NALF1: variants seen among roughly 807,000 people sequenced by gnomAD.
The protein encoded by NALF1 is family with sequence similarity 155 member A.
A neutral mutation model predicts 48.4 loss-of-function variants in NALF1; 3 were observed. The observed-to-expected ratio is 0.06, with a 90% CI of 0.03 to 0.16. NALF1 has a LOEUF of 0.16. Ranked by LOEUF, NALF1 falls within the 10% of genes least tolerant of loss-of-function variation. NALF1 has a pLI of 1.00. For missense variants in NALF1, 526 were observed against 571.5 expected (o/e 0.92, Z 0.81); for synonymous variants, 262 against 245.7 (o/e 1.07, Z -0.62).
intron 1 of NALF1, among the ~76,000 whole-genome samples, chr13:107,212,884 T>G (rs952181920): frequency 6.6e-6 from 1 of 152,122 alleles, no homozygotes; most frequent in Non-Finnish European, 1.5e-5. Context: ...GAGTTGCCTG[T>G]TTTTCTTTAA....
At chr13:107,373,747 C>T (rs1028953807) in intron 1 of NALF1, among the ~76,000 whole-genome samples, 4 of 152,042 alleles carry the variant, frequency 2.6e-5, no homozygotes, top group African/African-American at 9.7e-5. Context: ...TTTTTGTTTT[C>T]GTTTTTTTTG....
In NALF1 at chr13:107,499,474, C is replaced by T. The variant is rs903616018; in HGVS notation, c.916-288719G>A. On this transcript the variant is annotated intron_variant, in intron 1 of 2. Transcript: ENST00000375915. ...TCCTCATGCTTGACCTCCCAAACTGCTGGGATTGCAGGTGTGAGCCACTGG... is the reference window on the plus strand; with the variant it reads ...TCCTCATGCTTGACCTCCCAAACTGTTGGGATTGCAGGTGTGAGCCACTGG... Among the ~76,000 whole-genome samples, 4 of 152,134 alleles carry T rather than the reference C, an allele frequency of 2.6e-5. No individual in the cohort carries two copies. The East Asian group carries it at 7.7e-4, about 29-fold the overall frequency.
intron 1 of NALF1, among the ~76,000 whole-genome samples, chr13:107,538,385 T>G (rs1876902824): frequency 6.6e-6 from 1 of 152,164 alleles, no homozygotes; most frequent in Admixed American, 6.6e-5. Flanking sequence ...ATAAAACATT[T>G]CCATTTGCAA....
rs988870831 is a variant in NALF1, at chr13:107,693,445, T to C, written c.915+172237A>G. ...ATGTAACAAACCTGCATGTTGTGCA[T>C]ATGTACCCTAGAACTTAAAGTATAA... On this transcript the variant is annotated intron_variant, in intron 1 of 2. Transcript: ENST00000375915. 2.6e-5 allele frequency among the ~76,000 whole-genome samples: 4 copies of C among 152,054 alleles called. No homozygotes were observed. In the East Asian group the frequency reaches 7.8e-4, roughly 30 times the overall value.
At chr13:107,749,578 CTATAATATACTATGTAGTATA>C (rs1308963263) in intron 1 of NALF1, among the ~76,000 whole-genome samples, 1 of 151,754 alleles carries the variant, frequency 6.6e-6, no homozygotes, top group Non-Finnish European at 1.5e-5. Flanking sequence ...ATTTTACATA[CTATAATATACTATGTAGTATA>C]TATAATATAC....
chr13:107,396,714 G>A (rs537660833), intron 1 of NALF1, among the ~76,000 whole-genome samples: 9 of 152,256 alleles, frequency 5.9e-5, no homozygotes, highest in East Asian at 1.9e-4. Flanking sequence ...TGCTATTCTC[G>A]TTGAGTTATA....
intron 1 of NALF1, among the ~76,000 whole-genome samples, chr13:107,864,374 T>C (rs1880653466): frequency 6.6e-6 from 1 of 152,200 alleles, no homozygotes. Flanking sequence ...AAGTAAAATA[T>C]GGCCTTTCGA....
intron 1 of NALF1, among the ~76,000 whole-genome samples, chr13:107,572,693 A>G (rs113245398): frequency 1.3e-5 from 2 of 152,166 alleles, no homozygotes; most frequent in Non-Finnish European, 1.5e-5. Context: ...TAATTAGCAA[A>G]TAAACTCTTC....
intron 1 of NALF1, among the ~76,000 whole-genome samples, chr13:107,572,234 G>C (rs542356886): frequency 6.6e-6 from 1 of 152,120 alleles, no homozygotes; most frequent in East Asian, 1.9e-4. Flanking sequence ...ATCTTGTGAG[G>C]AGGCACTGAC....
intron 1 of NALF1, among the ~76,000 whole-genome samples, chr13:107,704,659 T>A (rs1472366009): frequency 6.6e-6 from 1 of 152,184 alleles, no homozygotes; most frequent in East Asian, 1.9e-4. Flanking sequence ...AAAAATCCTA[T>A]AATCTCCAGC....
intron 1 of NALF1, among the ~76,000 whole-genome samples, chr13:107,753,883 T>C (rs1877010039): frequency 1.3e-5 from 2 of 152,140 alleles, no homozygotes; most frequent in African/African-American, 4.8e-5. Flanking sequence ...GACTGGGAGT[T>C]TCCATTTGGT....
chr13:107,533,639 A>C (rs1349450081), intron 1 of NALF1, among the ~76,000 whole-genome samples: 1 of 152,178 alleles, frequency 6.6e-6, no homozygotes, highest in African/African-American at 2.4e-5. Context: ...TTCAAATTAG[A>C]GATTCTGTGA....
At position 107,823,131 on chromosome 13, in the gene NALF1, T is replaced by C. The variant is rs556898873; in HGVS notation, c.915+42551A>G. Among the ~76,000 whole-genome samples, 151 of 152,358 alleles carry C rather than the reference T, an allele frequency of 9.9e-4. 1 individual carries two copies. Among genetic ancestry groups the C allele is most frequent in the South Asian group, 2.5e-3 (12 of 4,828 alleles). On this transcript the variant is annotated intron_variant, in intron 1 of 2. Coordinates refer to ENST00000375915, the MANE Select transcript of NALF1 (RefSeq NM_001080396.3). ...TTACCCTAATTTCCTCATCAGTATCTACCTCTTTCCACTATTTAGAATAGT... is the reference window on the plus strand; with the variant it reads ...TTACCCTAATTTCCTCATCAGTATCCACCTCTTTCCACTATTTAGAATAGT...
chr13:107,322,645 T>A (rs1197527775), intron 1 of NALF1, among the ~76,000 whole-genome samples: 1 of 152,170 alleles, frequency 6.6e-6, no homozygotes, highest in Admixed American at 6.6e-5. Context: ...GATGTGCTCC[T>A]CTGGTCCTGG....
chr13:107,448,600 G>A (rs969710125), intron 1 of NALF1, among the ~76,000 whole-genome samples: 8 of 152,068 alleles, frequency 5.3e-5, no homozygotes, highest in Admixed American at 1.3e-4. Context: ...TGGCATTTTC[G>A]TCATGTATTT....
intron 1 of NALF1, among the ~76,000 whole-genome samples, chr13:107,293,530 T>C (rs371245419): frequency 2.0e-4 from 30 of 152,194 alleles, no homozygotes; most frequent in African/African-American, 6.0e-4. Context: ...ATCTCCAGCA[T>C]AGACACTAAC....
At chr13:107,356,768 A>T (rs1468128856) in intron 1 of NALF1, among the ~76,000 whole-genome samples, 2 of 152,190 alleles carry the variant, frequency 1.3e-5, no homozygotes, top group African/African-American at 4.8e-5. Context: ...CAAACAGAAT[A>T]ATTTTCTGGT....
chr13:107,340,709 G>T (rs530715893), intron 1 of NALF1, among the ~76,000 whole-genome samples: 1 of 151,800 alleles, frequency 6.6e-6, no homozygotes. Context: ...GTGGCCATCC[G>T]AAGTCTTCAT....
At chr13:107,354,200 A>G (rs1401983913) in intron 1 of NALF1, among the ~76,000 whole-genome samples, 1 of 152,214 alleles carries the variant, frequency 6.6e-6, no homozygotes, top group African/African-American at 2.4e-5. Flanking sequence ...ACTTGTGGAC[A>G]GGGCAGTGCT....
Sources: allele counts gnomAD v4.1 joint callset (sites outside exome capture counted in the v4.1 genomes callset), GRCh38; gene constraint gnomAD v4.1.1; transcripts MANE v1.5; gene names NCBI Gene and HGNC (gene_info 2026-07-23, HGNC 2026-07-21).